The following SGCD variants were observed in gnomAD, a reference collection of about 807,000 sequenced individuals.
SGCD encodes the protein sarcoglycan delta.
In SGCD, 18 loss-of-function variants were observed where a neutral mutation model predicts 36.6. That is an observed-to-expected ratio of 0.49 (90% CI 0.34 to 0.73). The LOEUF (loss-of-function observed/expected upper bound fraction) is 0.73, where lower values mean the gene tolerates loss of function less well. SGCD is among the 30% of genes least tolerant of loss of function. The probability of loss-of-function intolerance (pLI) is 0.01; values close to 1 mark genes in which losing one functional copy is unlikely to be tolerated. For missense variants in SGCD, 387 were observed against 346.7 expected (o/e 1.12, Z -0.92); for synonymous variants, 133 against 130.6 (o/e 1.02, Z -0.12).
chr5:156,457,661 A>C (rs533889692), intron 3 of SGCD, among the ~76,000 whole-genome samples: 1 of 152,294 alleles, frequency 6.6e-6, no homozygotes, highest in South Asian at 2.1e-4. Flanking sequence ...CCTGGGGCAA[A>C]CACAGTAATC....
At chr5:155,891,026 G>T (rs1243288426) in intron 1 of SGCD, among the ~76,000 whole-genome samples, 1 of 152,136 alleles carries the variant, frequency 6.6e-6, no homozygotes, top group Non-Finnish European at 1.5e-5. Flanking sequence ...CATAAAAAGA[G>T]GATGCTAGGT....
At chr5:155,840,334 C>A in the SGCD span, among the ~76,000 whole-genome samples, 7 of 151,284 alleles carry the variant, frequency 4.6e-5, no homozygotes, top group African/African-American at 1.7e-4. Context: ...AGCTCCACCT[C>A]CTAGGTTCAA....
chr5:156,374,579 A>G (rs895143218), intron 3 of SGCD, among the ~76,000 whole-genome samples: 1 of 152,200 alleles, frequency 6.6e-6, no homozygotes, highest in Non-Finnish European at 1.5e-5. Flanking sequence ...GCTAAAAAAC[A>G]AAGCAAATTT....
chr5:156,256,517 A>G (rs950183263), intron 3 of SGCD, among the ~76,000 whole-genome samples: 2 of 152,142 alleles, frequency 1.3e-5, no homozygotes, highest in Non-Finnish European at 2.9e-5. Flanking sequence ...TTTATTGTCT[A>G]GTATCATTAC....
intron 4 of SGCD, among the ~76,000 whole-genome samples, chr5:156,544,094 T>C (rs1284771283): frequency 6.6e-6 from 1 of 152,210 alleles, no homozygotes; most frequent in Non-Finnish European, 1.5e-5. Flanking sequence ...CAATTTCAAG[T>C]TAACAAGGAG....
intron 4 of SGCD, among the ~76,000 whole-genome samples, chr5:156,510,754 C>T (rs1756891016): frequency 6.6e-6 from 1 of 152,012 alleles, no homozygotes. Flanking sequence ...TCTTATGAGA[C>T]TGGAAGTGGT....
rs1361117604 is a variant in SGCD at position 156,762,389 on chromosome 5, A to C, written c.*2999A>C. ...TCAAGAAGTCATAGAAGTCTTGGGA[A>C]ACTATTCGAGTATCACAGAGGTTTT... On this transcript the variant is annotated 3_prime_UTR_variant, in exon 9 of 9. Transcript: ENST00000337851. 2.0e-5 allele frequency: 3 copies of C among 152,642 alleles called. No homozygotes were observed. The highest frequency in any genetic ancestry group is 7.2e-5 in the African/African-American group (3 of 41,452). 9.5% of individuals were successfully genotyped at this position (152,642 alleles called of 1,614,324 possible). A position where few individuals can be genotyped will look rare whatever the true frequency, so the allele number is the denominator to read the frequency against.
At chr5:156,627,463 C>T (rs951278512) in intron 6 of SGCD, among the ~76,000 whole-genome samples, 2 of 152,114 alleles carry the variant, frequency 1.3e-5, no homozygotes, top group African/African-American at 4.8e-5. Flanking sequence ...ATAAAATGGG[C>T]AGCTTCTAAA....
chr5:155,738,844 A>G, the SGCD span, among the ~76,000 whole-genome samples: 1 of 144,254 alleles, frequency 6.9e-6, no homozygotes, highest in Non-Finnish European at 1.5e-5. Flanking sequence ...ACTGTGAGAG[A>G]GTATGTATAT....
chr5:156,228,101 T>C (rs907346934), intron 3 of SGCD, among the ~76,000 whole-genome samples: 1 of 152,200 alleles, frequency 6.6e-6, no homozygotes, highest in Non-Finnish European at 1.5e-5. Context: ...TGCTGTTGAA[T>C]AGAATGTATA....
chr5:155,933,130 A>G (rs1757130432), intron 1 of SGCD, among the ~76,000 whole-genome samples: 1 of 152,052 alleles, frequency 6.6e-6, no homozygotes, highest in African/African-American at 2.4e-5. Context: ...TATCAGTCTG[A>G]CTTTAGTTTT....
chr5:156,599,181 C>G (rs1761063972), intron 6 of SGCD, among the ~76,000 whole-genome samples: 1 of 152,146 alleles, frequency 6.6e-6, no homozygotes, highest in Non-Finnish European at 1.5e-5. Flanking sequence ...TAGGCAGTTT[C>G]ATTTTCAGCA....
chr5:156,719,873 A>G (rs1276094704), intron 7 of SGCD, among the ~76,000 whole-genome samples: 6 of 151,830 alleles, frequency 4.0e-5, no homozygotes, highest in Non-Finnish European at 7.4e-5. Context: ...CCAAACCCCA[A>G]TGTAGACTTT....
intron 1 of SGCD, among the ~76,000 whole-genome samples, chr5:155,929,310 G>T (rs934703342): frequency 2.2e-4 from 33 of 152,300 alleles, no homozygotes; most frequent in Non-Finnish European, 4.1e-4. Flanking sequence ...TGAATGAGGG[G>T]ATAACTGCAG....
At chr5:156,083,129 T>C (rs1237953060) in intron 1 of SGCD, among the ~76,000 whole-genome samples, 2 of 152,144 alleles carry the variant, frequency 1.3e-5, no homozygotes, top group South Asian at 2.1e-4. Flanking sequence ...TTTTTTTAAA[T>C]TGTTGAGTTG....
chr5:156,329,926 A>G (rs558261546), intron 2 of SGCD, among the ~76,000 whole-genome samples: 11 of 149,900 alleles, frequency 7.3e-5, no homozygotes, highest in Non-Finnish European at 1.5e-4. Context: ...CTGATGCAGG[A>G]GAATGGCGTG....
chr5:156,683,136 A>G (rs1415804232), intron 7 of SGCD, among the ~76,000 whole-genome samples: 1 of 152,236 alleles, frequency 6.6e-6, no homozygotes, highest in Non-Finnish European at 1.5e-5. Flanking sequence ...TGTCCGAGAT[A>G]TATAGATGTT....
Position 156,084,811 on chromosome 5 carries a change from G to T in SGCD, c.-281-33067G>T, listed in dbSNP as rs561356428. Reference sequence around the variant, plus strand: ...AGCATTTATGTTTTCATTAAGTATGGTGTTAGATACAGGTTTTTCCGTGGA... The same window carrying T: ...AGCATTTATGTTTTCATTAAGTATGTTGTTAGATACAGGTTTTTCCGTGGA... On this transcript the variant is annotated intron_variant, in intron 1 of 9. Transcript: ENST00000517913. 9.9e-5 allele frequency among the ~76,000 whole-genome samples: 15 copies of T among 152,270 alleles called. No individual in the cohort carries two copies. The East Asian group carries it at 1.7e-3, about 18-fold the overall frequency.
chr5:155,975,562 G>A (rs13179859), intron 1 of SGCD, among the ~76,000 whole-genome samples: 10 of 142,686 alleles, frequency 7.0e-5, no homozygotes, highest in Admixed American at 1.5e-4. Flanking sequence ...TCTTAAATGC[G>A]TTTACTATAT....
Sources: gnomAD v4.1 joint callset for allele counts (sites outside exome capture counted in the v4.1 genomes callset) on GRCh38, gnomAD v4.1.1 for gene constraint, MANE v1.5 for transcripts, NCBI Gene and HGNC (gene_info 2026-07-23, HGNC 2026-07-21) for gene names.